NOS2: variants seen among roughly 807,000 people sequenced by gnomAD.
The protein encoded by NOS2 is nitric oxide synthase 2, also known as nitric oxide synthase, inducible.
NOS2 carries 96 observed loss-of-function variants against 136.0 expected under a neutral mutation model. That is an observed-to-expected ratio of 0.71 (90% confidence interval 0.60 to 0.84). The LOEUF (loss-of-function observed/expected upper bound fraction) is 0.84. NOS2 is among the 40% of genes least tolerant of loss of function. The pLI, the probability that NOS2 is intolerant of heterozygous loss-of-function variation, is 0.00. For synonymous variants in NOS2, 539 were observed against 587.5 expected, an observed-to-expected ratio of 0.92 and a Z score of 1.20; for missense variants, 1,237 against 1,496.9, an observed-to-expected ratio of 0.83 and a Z score of 2.87.
At position 27,760,043 on chromosome 17, in the gene NOS2, G is replaced by A. The variant is rs200020109; in HGVS notation, c.3146C>T (p.Pro1049Leu). The A allele has an allele frequency of 6.5e-7, 1 of 1,537,746 alleles. No individual in the cohort carries two copies. The highest frequency in any genetic ancestry group is 8.7e-7 in the Non-Finnish European group (1 of 1,144,450). The change falls in exon 25 of 27, where the codon CCT becomes CTT. Residue 1049 changes from proline to leucine, a missense_variant. Around this residue, in one of 3 missense-constraint regions of NOS2, gnomAD observed 782 missense variants for 909.9 expected, o/e 0.86. Transcript: ENST00000313735. ...GGCTGCATTTACCTTGGGCTTGCCA[G>A]GCAGGCGGGAATAGGCTGTGTGCAC... ...HAVHTAYSRL[P>L]GKPKVYVQDI... is the part of the protein sequence containing the mutation.
At position 27,759,004 on chromosome 17, in the gene NOS2, G is replaced by T. The variant is rs774411653; in HGVS notation, c.3231C>A (p.Gly1077=). 5 of 1,612,748 alleles carry T rather than the reference G, an allele frequency of 3.1e-6. No homozygotes were observed. In the Admixed American group the frequency reaches 8.3e-5, roughly 27 times the overall value. ...GCACATCCCCGCAAACATAGAGGTGGCCTGGCTCCTTGTGGAGCACACGGA... is the reference window on the plus strand; with the variant it reads ...GCACATCCCCGCAAACATAGAGGTGTCCTGGCTCCTTGTGGAGCACACGGA... ...EVLRVLHKEP[G]HLYVCGDVRM... Residue 1077 remains glycine (G), a synonymous_variant, in exon 26 of 27, where the codon GGC becomes GGA. Coordinates refer to ENST00000313735, the MANE Select transcript of NOS2 (RefSeq NM_000625.4).
chr17:27,784,481 C>T (rs935602947), intron 5 of NOS2, among the ~76,000 whole-genome samples: 6 of 152,236 alleles, frequency 3.9e-5, no homozygotes, highest in Non-Finnish European at 7.3e-5. Flanking sequence ...CCCCCCTCTG[C>T]ACCTGAGCAT....
intron 4 of NOS2, 36 bp downstream of exon 4, chr17:27,788,773 G>T (rs202036585): frequency 9.4e-6 from 15 of 1,595,196 alleles, no homozygotes; most frequent in Non-Finnish European, 1.1e-5. Context: ...CACCAGCTTG[G>T]GACAAAGGTG....
At chr17:27,787,553 A>T in intron 5 of NOS2, 125 bp downstream of exon 5, 1 of 778,900 alleles carries the variant, frequency 1.3e-6, no homozygotes, top group Non-Finnish European at 2.0e-6. Flanking sequence ...CTGCAAAATC[A>T]TAGTGATTTA....
chr17:27,766,661 T>C, intron 18 of NOS2, 73 bp from the exon 19 acceptor site: 2 of 1,193,830 alleles, frequency 1.7e-6, no homozygotes, highest in South Asian at 2.4e-5. Flanking sequence ...CCCAGATGTC[T>C]GAGTCAGTGA....
chr17:27,793,404 G>T (rs148021002), intron 2 of NOS2, among the ~76,000 whole-genome samples: 30 of 152,296 alleles, frequency 2.0e-4, no homozygotes, highest in East Asian at 1.4e-3. Context: ...TCTCTGGGCC[G>T]CCTGGGCTCC....
Position 27,798,678 on chromosome 17 carries a change from G to C in NOS2, c.110+22C>G, listed in dbSNP as rs139965945. The C allele has an allele frequency of 4.8e-4, 713 of 1,483,034 alleles. 7 individuals are homozygous for C. The African/African-American group carries it at 8.9e-3, about 19-fold the overall frequency. 91.9% of individuals were successfully genotyped at this position (1,483,034 alleles called of 1,614,324 possible). A position where few individuals can be genotyped will look rare whatever the true frequency, so the allele number is the denominator to read the frequency against. ...TGGGTGCCCAAGGAGACAAGCAGGA[G>C]GTTCCCCCAGGGAAAACTCACCTGG... On this transcript the variant is annotated intron_variant, in intron 2 of 26. Transcript: ENST00000313735.
At chr17:27,772,170 C>G in intron 14 of NOS2, 138 bp downstream of exon 14, 1 of 962,544 alleles carries the variant, frequency 1.0e-6, no homozygotes, top group Non-Finnish European at 1.5e-6. Context: ...CAAGTCTTTC[C>G]TTCTCTTCCA....
chr17:27,762,605 A>G (rs1451795298), intron 22 of NOS2, among the ~76,000 whole-genome samples, 193 bp downstream of exon 22: 1 of 152,238 alleles, frequency 6.6e-6, no homozygotes, highest in East Asian at 1.9e-4. Context: ...CTGATCATAT[A>G]CATACAGAAG....
chr17:27,764,496 T>C (rs1161720877), intron 20 of NOS2, among the ~76,000 whole-genome samples: 5 of 152,228 alleles, frequency 3.3e-5, no homozygotes, highest in Non-Finnish European at 7.3e-5. Context: ...AGGCCAGTTG[T>C]TCACTTAGAG....
At position 27,774,468 on chromosome 17, in the gene NOS2, G is replaced by T. The variant is rs201444475; in HGVS notation, c.1282-17C>A. On this transcript the variant is annotated splice_polypyrimidine_tract_variant and intron_variant, in intron 11 of 26. Transcript: ENST00000313735. ...ATTCTGCTTCTGTATCAGAAGGCAA[G>T]ATAGGGAGTGGAGATAAGGGTGGGG... 4 of 1,446,994 alleles carry T rather than the reference G, an allele frequency of 2.8e-6. No individual in the cohort carries two copies. The highest frequency in any genetic ancestry group is 3.7e-6 in the Non-Finnish European group (4 of 1,089,646). 89.6% of individuals were successfully genotyped at this position (1,446,994 alleles called of 1,614,324 possible).
In NOS2 at chr17:27,761,220, G is replaced by A. The variant is rs201696806; in HGVS notation, c.2812C>T (p.Pro938Ser). ...VTYHTRDGQG[P>S]LHHGVCSTWL... ...GTGCTGCAGACGCCGTGGTGCAGGG[G>A]ACCCTGGCCATCTGCAACGATACCA... The change falls in exon 23 of 27, where the codon CCC (proline) becomes TCC (serine). Residue 938 changes from proline (P) to serine (S), a missense_variant. Transcript: ENST00000313735. 8 of 1,607,132 alleles carry A rather than the reference G, an allele frequency of 5.0e-6. No individual in the cohort carries two copies. The highest frequency in any genetic ancestry group is 2.2e-5 in the East Asian group (1 of 44,740).
At position 27,781,027 on chromosome 17, in the gene NOS2, G is replaced by A. The variant is rs764802580; in HGVS notation, c.864+9C>T. On this transcript the variant is annotated intron_variant, in intron 8 of 26. Coordinates refer to ENST00000313735, the MANE Select transcript of NOS2 (RefSeq NM_000625.4). ...CCCAATGGCCGGTGGCTGAGGCTGG[G>A]CCGGGTACCTGAGTGAATTCCACGT... 1.2e-6 allele frequency: 2 copies of A among 1,612,058 alleles called. No homozygotes were observed. Among genetic ancestry groups the A allele is most frequent in the South Asian group, 1.1e-5 (1 of 90,900 alleles).
chr17:27,766,156 C>G (rs1908294724), intron 19 of NOS2, among the ~76,000 whole-genome samples: 1 of 152,238 alleles, frequency 6.6e-6, no homozygotes, highest in South Asian at 2.1e-4. Context: ...TTTCCCAGAG[C>G]TGGGAAATTT....
chr17:27,799,782 G>T (rs1406178102), intron 1 of NOS2, among the ~76,000 whole-genome samples: 3 of 146,130 alleles, frequency 2.1e-5, no homozygotes, highest in Non-Finnish European at 3.0e-5. Context: ...GGCAGTCAAG[G>T]CTGTTTCCAA....
rs1908532653 is a variant in NOS2 at position 27,772,593 on chromosome 17, T to C, written c.1560-141A>G. ...AGCAAGCTACGTTTCTCACCAGCCA[T>C]GTACCGTGACAACTCACCCTTTTCC... On this transcript the variant is annotated intron_variant, in intron 13 of 26. Transcript: ENST00000313735. 2.2e-5 allele frequency: 20 copies of C among 928,430 alleles called. No individual in the cohort carries two copies. In the South Asian group the frequency reaches 3.2e-4, roughly 15 times the overall value. The allele number at this position is 928,430 out of a possible 1,614,324, so 57.5% of individuals were successfully genotyped here.
intron 23 of NOS2, 52 bp from the exon 24 acceptor site, chr17:27,760,796 G>A (rs1567632487): frequency 1.3e-6 from 2 of 1,523,272 alleles, no homozygotes; most frequent in Non-Finnish European, 1.8e-6. Flanking sequence ...CCAGGCCCAC[G>A]CACACACAGG....
intron 5 of NOS2, among the ~76,000 whole-genome samples, chr17:27,785,991 A>G (rs1409121089): frequency 6.7e-6 from 1 of 150,308 alleles, no homozygotes; most frequent in Non-Finnish European, 1.5e-5. Context: ...AAAGACAAAG[A>G]AAAGTGGAGG....
At chr17:27,769,634 A>T (rs746041625) in intron 15 of NOS2, 50 bp from the exon 16 acceptor site, 1 of 1,503,776 alleles carries the variant, frequency 6.6e-7, no homozygotes, top group Admixed American at 1.7e-5. Context: ...GAATAAAAAC[A>T]CTGTTTTTTC....
Sources: gnomAD v4.1 joint callset for allele counts (sites outside exome capture counted in the v4.1 genomes callset) on GRCh38, gnomAD v4.1.1 for gene constraint, gnomAD v4.1.1 regional missense constraint, MANE v1.5 for transcripts, NCBI Gene and HGNC (gene_info 2026-07-23, HGNC 2026-07-21) for gene names.